The following ADGRB3 variants were observed in gnomAD, a reference collection of about 807,000 sequenced individuals.
The protein encoded by ADGRB3 is brain-specific angiogenesis inhibitor 3.
In ADGRB3, 37 loss-of-function variants were observed where a neutral mutation model predicts 193.4. The observed-to-expected ratio is 0.19, with a 90% confidence interval of 0.15 to 0.25. ADGRB3 has a LOEUF of 0.25. Ranked by LOEUF, ADGRB3 falls within the 10% of genes least tolerant of loss-of-function variation. The pLI is 1.00. For missense variants in ADGRB3, 1,637 were observed against 1,852.9 expected (o/e 0.88, Z 2.14); for synonymous variants, 690 against 644.2 (o/e 1.07, Z -1.08).
chr6:68,757,715 C>G (rs749886603), intron 3 of ADGRB3, among the ~76,000 whole-genome samples: 19 of 151,896 alleles, frequency 1.3e-4, no homozygotes, highest in Admixed American at 6.6e-4. Flanking sequence ...AAATTTAAAA[C>G]CTTACTTTAG....
intron 20 of ADGRB3, among the ~76,000 whole-genome samples, chr6:69,285,906 A>G (rs905520043): frequency 2.0e-5 from 3 of 151,786 alleles, no homozygotes; most frequent in African/African-American, 7.3e-5. Context: ...ACATAAGTCT[A>G]CCTGGCTTTA....
At chr6:69,006,469 T>C (rs1283105532) in intron 11 of ADGRB3, among the ~76,000 whole-genome samples, 4 of 152,068 alleles carry the variant, frequency 2.6e-5, no homozygotes, top group Non-Finnish European at 2.9e-5. Context: ...GAATGGTCTG[T>C]CTCCTCTGGA....
chr6:69,255,156 C>T (rs1582581898), intron 20 of ADGRB3, among the ~76,000 whole-genome samples: 1 of 152,080 alleles, frequency 6.6e-6, no homozygotes. Context: ...TGAATAGTGC[C>T]ACAATAAACA....
chr6:69,255,278 G>A (rs1280793147), intron 20 of ADGRB3, among the ~76,000 whole-genome samples: 12 of 152,186 alleles, frequency 7.9e-5, no homozygotes, highest in Middle Eastern at 3.4e-3. Context: ...CTGAGGAATC[G>A]CCACACTGAC....
At chr6:68,806,038 G>A (rs1039190542) in intron 3 of ADGRB3, among the ~76,000 whole-genome samples, 1 of 152,136 alleles carries the variant, frequency 6.6e-6, no homozygotes, top group Non-Finnish European at 1.5e-5. Flanking sequence ...GGCTCACGTA[G>A]TCACAGCCAA....
chr6:69,334,901 A>C (rs531293269), intron 24 of ADGRB3, among the ~76,000 whole-genome samples: 2 of 152,292 alleles, frequency 1.3e-5, no homozygotes, highest in African/African-American at 4.8e-5. Flanking sequence ...CCCCTGCCTC[A>C]TAGAGTATAT....
At chr6:69,310,443 T>G (rs556898736) in intron 20 of ADGRB3, among the ~76,000 whole-genome samples, 16 of 151,860 alleles carry the variant, frequency 1.1e-4, no homozygotes, top group African/African-American at 3.9e-4. Context: ...CAATCAACTT[T>G]ATGGTAGTCC....
At chr6:69,144,872 G>C (rs376119297) in intron 17 of ADGRB3, among the ~76,000 whole-genome samples, 1 of 50,768 alleles carries the variant, frequency 2.0e-5, no homozygotes, top group Admixed American at 1.9e-4. Flanking sequence ...TAGTTTGTTT[G>C]AGTGTTCTTT....
At chr6:68,735,107 A>G (rs1765846858) in intron 3 of ADGRB3, among the ~76,000 whole-genome samples, 1 of 152,052 alleles carries the variant, frequency 6.6e-6, no homozygotes. Context: ...CTACATATAT[A>G]AATATGTATT....
At chr6:68,864,027 A>G (rs982561994) in intron 3 of ADGRB3, among the ~76,000 whole-genome samples, 3 of 152,056 alleles carry the variant, frequency 2.0e-5, no homozygotes, top group Non-Finnish European at 4.4e-5. Flanking sequence ...CAGTATTTAT[A>G]CCCCTATCAA....
intron 17 of ADGRB3, among the ~76,000 whole-genome samples, chr6:69,193,424 T>C (rs1765235206): frequency 6.6e-6 from 1 of 152,128 alleles, no homozygotes; most frequent in East Asian, 1.9e-4. Context: ...ATAATATCTG[T>C]TAGTGGGTGT....
At chr6:69,128,865 C>G (rs929263167) in intron 17 of ADGRB3, among the ~76,000 whole-genome samples, 5 of 152,234 alleles carry the variant, frequency 3.3e-5, no homozygotes, top group African/African-American at 1.2e-4. Flanking sequence ...ACCTAAGGAT[C>G]AACTTAGATA....
intron 31 of ADGRB3, among the ~76,000 whole-genome samples, chr6:69,388,427 C>T (rs1770119407): frequency 6.6e-6 from 1 of 152,038 alleles, no homozygotes; most frequent in East Asian, 1.9e-4. Context: ...ACAACATGCC[C>T]CAAACAAAAC....
chr6:69,242,217 A>T (rs1044650613), intron 20 of ADGRB3, among the ~76,000 whole-genome samples: 1 of 151,966 alleles, frequency 6.6e-6, no homozygotes, highest in Non-Finnish European at 1.5e-5. Context: ...TGATGTGCAT[A>T]AACTACAAAT....
chr6:69,000,825 G>A (rs1415030), intron 11 of ADGRB3, among the ~76,000 whole-genome samples: 98,975 of 152,040 alleles, frequency 0.65, 32,805 homozygotes, highest in Middle Eastern at 0.83. Flanking sequence ...CACATAGGTC[G>A]ATTCAGAAAT....
intron 11 of ADGRB3, among the ~76,000 whole-genome samples, chr6:69,013,740 T>G (rs1431461106): frequency 1.3e-5 from 2 of 152,018 alleles, no homozygotes; most frequent in African/African-American, 4.8e-5. Context: ...TATGGAATAA[T>G]TACACAATGA....
chr6:69,297,372 C>CTCTCTCTT (rs1561980421), intron 20 of ADGRB3, among the ~76,000 whole-genome samples: 10 of 85,372 alleles, frequency 1.2e-4, no homozygotes, highest in Middle Eastern at 6.9e-3. Context: ...CTCTCTTTCT[C>CTCTCTCTT]TCTCTCTCTC....
At chr6:69,179,739 G>T (rs1294072527) in intron 17 of ADGRB3, among the ~76,000 whole-genome samples, 1 of 151,980 alleles carries the variant, frequency 6.6e-6, no homozygotes, top group Non-Finnish European at 1.5e-5. Context: ...AGGTTTTTTG[G>T]CTTGGCTTCT....
chr6:69,247,414 T>G (rs939396303), intron 20 of ADGRB3, among the ~76,000 whole-genome samples: 11 of 152,190 alleles, frequency 7.2e-5, no homozygotes, highest in African/African-American at 2.7e-4. Flanking sequence ...GATTTCAGCA[T>G]TCCCTTTCTG....
Sources: allele counts gnomAD v4.1 joint callset (sites outside exome capture counted in the v4.1 genomes callset), GRCh38; gene constraint gnomAD v4.1.1; transcripts MANE v1.5; gene names NCBI Gene and HGNC (gene_info 2026-07-23, HGNC 2026-07-21).